DENND4C: variants seen among roughly 807,000 people sequenced by gnomAD.
DENND4C encodes the protein DENN domain containing 4C, also known as DENN domain-containing protein 4C.
In DENND4C, 108 loss-of-function variants were observed where a neutral mutation model predicts 203.0. The observed-to-expected ratio is 0.53, with a 90% CI of 0.46 to 0.62. DENND4C has a LOEUF of 0.62. Ranked by LOEUF, DENND4C falls within the 20% of genes least tolerant of loss-of-function variation. The pLI is 0.00. For synonymous variants in DENND4C, 871 were observed against 792.4 expected, an observed-to-expected ratio of 1.10 and a Z score of -1.67; for missense variants, 2,481 against 2,301.2, an observed-to-expected ratio of 1.08 and a Z score of -1.60.
chr9:19,296,841 C>G (rs1004930215), intron 6 of DENND4C, among the ~76,000 whole-genome samples: 1 of 152,078 alleles, frequency 6.6e-6, no homozygotes, highest in Admixed American at 6.6e-5. Flanking sequence ...GCACACACAC[C>G]CACCAATGCA....
rs977267497 is a variant in DENND4C, at chr9:19,358,128, G to C, written c.5128G>C (p.Val1710Leu). 6 of 1,613,588 alleles carry C rather than the reference G, an allele frequency of 3.7e-6. No individual in the cohort carries two copies. Among genetic ancestry groups the C allele is most frequent in the Non-Finnish European group, 5.1e-6 (6 of 1,179,730 alleles). ...GCGACCGTTTCATGGCATCTCAACA[G>C]TTAGTCTTCCAAATAGTCTGCAGGA... The part of the protein sequence containing the change: ...TQRPFHGIST[V>L]SLPNSLQEVV... Residue 1710 changes from valine to leucine, a missense_variant, in exon 28 of 33, where the codon GTT (valine) becomes CTT (leucine). This residue lies in a region of DENND4C where 2,289 missense variants were observed against 2,113.3 expected (regional missense o/e 1.08). Coordinates refer to ENST00000434457, the MANE Select transcript of DENND4C (RefSeq NM_001330640.2). The surrounding 1 kb of genome is among the most constrained non-coding windows in gnomAD (Gnocchi z 4.8).
intron 12 of DENND4C, among the ~76,000 whole-genome samples, chr9:19,321,742 G>C (rs990212653): frequency 1.3e-4 from 19 of 148,812 alleles, no homozygotes; most frequent in African/African-American, 4.7e-4. Context: ...TGAGGCAGGA[G>C]AATCACTCGA....
rs758751945 is a variant in DENND4C at position 19,282,715 on chromosome 9, C to CTCTTTTTTTTTTT, written c.306-4053_306-4052insCTTTTTTTTTTTT. 1.2e-4 allele frequency among the ~76,000 whole-genome samples: 10 copies of CTCTTTTTTTTTTT among 86,662 alleles called. 1 individual carries two copies. Among genetic ancestry groups the CTCTTTTTTTTTTT allele is most frequent in the South Asian group, 5.2e-4 (1 of 1,924 alleles). The allele number at this position is 86,662 out of a possible 152,430, so 56.9% of individuals were successfully genotyped here. On this transcript the variant is annotated intron_variant, in intron 2 of 32. Coordinates refer to ENST00000434457, the MANE Select transcript of DENND4C (RefSeq NM_001330640.2). ...TTTTCTTTTTCTTTTTTTCTTCTCTCTTTTTTTTTTTTTTTTTTTGAGACA... is the reference window on the plus strand; with the variant it reads ...TTTTCTTTTTCTTTTTTTCTTCTCTCTCTTTTTTTTTTTTTTTTTTTTTTTTTTTTTTGAGACA...
rs567714683 is a variant in DENND4C at position 19,244,679 on chromosome 9, G to T, written c.-18+13846G>T. Among the ~76,000 whole-genome samples, 762 of 150,858 alleles carry T rather than the reference G, an allele frequency of 5.1e-3. 6 individuals are homozygous for T. Among genetic ancestry groups the T allele is most frequent in the African/African-American group, 0.018 (723 of 41,058 alleles). Reference sequence around the variant, plus strand: ...CGCTTGAACCCGGGAGGTGGAGGTTGCAGTGAGCGGAGATCGTGCCACTGC... The same window carrying T: ...CGCTTGAACCCGGGAGGTGGAGGTTTCAGTGAGCGGAGATCGTGCCACTGC... On this transcript the variant is annotated intron_variant, in intron 1 of 32. Coordinates refer to ENST00000434457, the MANE Select transcript of DENND4C (RefSeq NM_001330640.2).
chr9:19,360,411 G>C lies in DENND4C; in HGVS notation c.5328G>C (p.Trp1776Cys), dbSNP rs1826217289. The change falls in exon 29 of 33, where the codon TGG becomes TGC. Residue 1776 changes from tryptophan (W) to cysteine (C), a missense_variant. By Grantham distance (215) the Trp-to-Cys change is radical. Around this residue, in one of 3 missense-constraint regions of DENND4C, gnomAD observed 2,289 missense variants for 2,113.3 expected, o/e 1.08. Transcript: ENST00000434457. ...QHPIIFWNLVWYFRRLDLPSN... is the reference protein window; with the variant it reads ...QHPIIFWNLVCYFRRLDLPSN... ...CAATCATTTTCTGGAACCTCGTTTGGTATTTCAGACGTTTGGACCTTCCTA... is the reference window on the plus strand; with the variant it reads ...CAATCATTTTCTGGAACCTCGTTTGCTATTTCAGACGTTTGGACCTTCCTA... 1 of 1,614,012 alleles carries C rather than the reference G, an allele frequency of 6.2e-7. No homozygotes were observed. Among genetic ancestry groups the C allele is most frequent in the Non-Finnish European group, 8.5e-7 (1 of 1,179,970 alleles).
chr9:19,358,258 A>G lies in DENND4C; in HGVS notation c.5160+98A>G. 2 of 974,838 alleles carry G rather than the reference A, an allele frequency of 2.1e-6. No homozygotes were observed. Among genetic ancestry groups the G allele is most frequent in the African/African-American group, 1.6e-5 (1 of 61,054 alleles). The allele number at this position is 974,838 out of a possible 1,614,324, so 60.4% of individuals were successfully genotyped here. A position where few individuals can be genotyped will look rare whatever the true frequency, so the allele number is the denominator to read the frequency against. ...TCTGTAGTGGACTTATTTTAATTAC[A>G]TGAAAAGTGATAGAGTTTTTCCATA... On this transcript the variant is annotated intron_variant, in intron 28 of 32. Coordinates refer to ENST00000434457, the MANE Select transcript of DENND4C (RefSeq NM_001330640.2). This position sits in a 1 kb window ranked among gnomAD's most constrained non-coding sequence, Gnocchi z 4.8.
chr9:19,352,897 G>T (rs138883357), intron 26 of DENND4C, among the ~76,000 whole-genome samples: 1 of 152,078 alleles, frequency 6.6e-6, no homozygotes, highest in African/African-American at 2.4e-5. Flanking sequence ...ACTTTGCGAG[G>T]CCCAGGTGGG....
chr9:19,328,536 C>T lies in DENND4C; in HGVS notation c.2253+374C>T, dbSNP rs377292408. The stretch of plus-strand genomic sequence containing the variant: ...GCTAAGGCAGGAGAATCGCTTGAAC[C>T]TGGGTGATGCAGGTTGCAGTGAGCT... On this transcript the variant is annotated intron_variant, in intron 16 of 32. Coordinates refer to ENST00000434457, the MANE Select transcript of DENND4C (RefSeq NM_001330640.2). 6.6e-5 allele frequency among the ~76,000 whole-genome samples: 10 copies of T among 152,178 alleles called. No individual in the cohort carries two copies. The South Asian group carries it at 1.9e-3, about 28-fold the overall frequency.
chr9:19,282,077 T>C (rs1181899635), intron 2 of DENND4C, among the ~76,000 whole-genome samples: 1 of 152,166 alleles, frequency 6.6e-6, no homozygotes, highest in African/African-American at 2.4e-5. Context: ...ACTTTAGCTT[T>C]ATTATAGCCT....
At chr9:19,305,307 T>C (rs934047516) in intron 9 of DENND4C, 45 bp from the exon 10 acceptor site, 2 of 1,537,660 alleles carry the variant, frequency 1.3e-6, no homozygotes, top group Non-Finnish European at 1.8e-6. Context: ...ATATTTTTTA[T>C]TGCAAATTTA....
Position 19,288,610 on chromosome 9 carries a change from G to C in DENND4C, c.573G>C (p.Val191=), listed in dbSNP as rs758858302. The C allele has an allele frequency of 1.7e-5, 21 of 1,231,628 alleles. No homozygotes were observed. Among genetic ancestry groups the C allele is most frequent in the Non-Finnish European group, 2.1e-5 (21 of 987,742 alleles). 76.3% of individuals were successfully genotyped at this position (1,231,628 alleles called of 1,614,324 possible). ...NLNCGMWGSS[V]FLCYKKSVPA... ...ATGTTTTACAGTGGGGTTCCAGCGT[G>C]TTTCTGTGTTATAAGAAGTCTGTAC... Residue 191 remains valine (V), a synonymous_variant, in exon 4 of 33, where the codon GTG becomes GTC. Transcript: ENST00000434457.
At chr9:19,316,040 C>T (rs776538529) in intron 10 of DENND4C, among the ~76,000 whole-genome samples, 8 of 151,998 alleles carry the variant, frequency 5.3e-5, no homozygotes, top group Non-Finnish European at 1.2e-4. Context: ...ACTTAAATTC[C>T]AGTTCTTGTC....
chr9:19,231,907 A>T (rs896474408), intron 1 of DENND4C, among the ~76,000 whole-genome samples: 3 of 152,024 alleles, frequency 2.0e-5, no homozygotes, highest in Non-Finnish European at 4.4e-5. Context: ...GTCTGTGTAT[A>T]ATGAGAGGGG....
At chr9:19,357,238 CAT>C (rs1313056360) in intron 27 of DENND4C, 84 bp downstream of exon 27, 4 of 1,323,228 alleles carry the variant, frequency 3.0e-6, no homozygotes, top group Non-Finnish European at 4.3e-6. Flanking sequence ...CAACCTGACT[CAT>C]ATAGGCATAA....
At position 19,358,873 on chromosome 9, in the gene DENND4C, CTTGT is replaced by C. The variant is rs1825911721; in HGVS notation, c.5160+716_5160+719del. On this transcript the variant is annotated intron_variant, in intron 28 of 32. Coordinates refer to ENST00000434457, the MANE Select transcript of DENND4C (RefSeq NM_001330640.2). The surrounding 1 kb of genome is among the most constrained non-coding windows in gnomAD (Gnocchi z 4.8). ...GGGTTTTTGTGTTAGTGTTCATTTG[CTTGT>C]TTATTTTTGTAAGACGATTTCATCA... Among the ~76,000 whole-genome samples, 2 of 151,676 alleles carry C rather than the reference CTTGT, an allele frequency of 1.3e-5. No homozygotes were observed. Among genetic ancestry groups the C allele is most frequent in the African/African-American group, 4.9e-5 (2 of 41,018 alleles).
chr9:19,352,707 A>G (rs1459810012), intron 26 of DENND4C, 42 bp downstream of exon 26: 1 of 1,443,562 alleles, frequency 6.9e-7, no homozygotes, highest in Non-Finnish European at 9.3e-7. Context: ...AGTACCCTCA[A>G]AAAACACGAC....
At chr9:19,259,486 A>G (rs1828817580) in intron 1 of DENND4C, among the ~76,000 whole-genome samples, 1 of 148,596 alleles carries the variant, frequency 6.7e-6, no homozygotes, top group Non-Finnish European at 1.5e-5. Context: ...TATATATACC[A>G]TATTTTCTTT....
chr9:19,371,064 T>G (rs1828739536), intron 31 of DENND4C, among the ~76,000 whole-genome samples: 1 of 152,376 alleles, frequency 6.6e-6, no homozygotes, highest in East Asian at 1.9e-4. Context: ...TGTCATATTA[T>G]GGCTTCTGAA....
chr9:19,267,769 G>A (rs1830808249), intron 1 of DENND4C, among the ~76,000 whole-genome samples: 1 of 151,882 alleles, frequency 6.6e-6, no homozygotes, highest in Non-Finnish European at 1.5e-5. Flanking sequence ...AAATTCCTGG[G>A]GTCTAGCAAT....
Sources: allele counts gnomAD v4.1 joint callset (sites outside exome capture counted in the v4.1 genomes callset), GRCh38; gene constraint gnomAD v4.1.1; regional missense constraint gnomAD v4.1.1; non-coding constraint Gnocchi (gnomAD v3.1); transcripts MANE v1.5; gene names NCBI Gene and HGNC (gene_info 2026-07-23, HGNC 2026-07-21).